Variants in STK31 observed in about 807,000 individuals in gnomAD.
The protein encoded by STK31 is serine/threonine-protein kinase 31.
A neutral mutation model predicts 129.7 loss-of-function variants in STK31; 89 were observed. That is an observed-to-expected ratio of 0.69 (90% confidence interval 0.58 to 0.82). The LOEUF is 0.82. STK31 is among the 40% of genes least tolerant of loss of function. The pLI, the probability that STK31 is intolerant of heterozygous loss-of-function variation, is 0.00. For synonymous variants in STK31, 448 were observed against 395.3 expected (o/e 1.13, Z -1.58); for missense variants, 1,187 against 1,176.4 (o/e 1.01, Z -0.13).
chr7:23,789,262 T>C (rs192188715), intron 21 of STK31, among the ~76,000 whole-genome samples: 2 of 152,160 alleles, frequency 1.3e-5, no homozygotes, highest in African/African-American at 4.8e-5. Flanking sequence ...CTATGAGCTT[T>C]AGCATACAAT....
chr7:23,781,584 C>T (rs1324016923), intron 16 of STK31, 64 bp downstream of exon 16: 42 of 1,212,756 alleles, frequency 3.5e-5, no homozygotes, highest in East Asian at 1.9e-4. Flanking sequence ...TTTAAATACC[C>T]GTTTTATGAA....
intron 22 of STK31, among the ~76,000 whole-genome samples, chr7:23,793,904 A>G (rs189018825): frequency 7.6e-4 from 116 of 152,340 alleles, no homozygotes; most frequent in African/African-American, 2.7e-3. Context: ...AAATGAAAGC[A>G]TATGTCCACA....
chr7:23,803,181 C>T (rs1001752600), intron 22 of STK31, among the ~76,000 whole-genome samples: 1 of 152,090 alleles, frequency 6.6e-6, no homozygotes, highest in Non-Finnish European at 1.5e-5. Context: ...CTTTGACCTT[C>T]CTCCTCAAAG....
At chr7:23,829,046 G>A (rs1039911064) in intron 23 of STK31, among the ~76,000 whole-genome samples, 4 of 151,590 alleles carry the variant, frequency 2.6e-5, no homozygotes, top group African/African-American at 7.3e-5. Context: ...GATTACAGGC[G>A]CCCGCCATGA....
chr7:23,809,107 T>C (rs149157838), intron 22 of STK31, among the ~76,000 whole-genome samples: 8 of 151,994 alleles, frequency 5.3e-5, no homozygotes, highest in African/African-American at 1.9e-4. Flanking sequence ...CTTCACCTTC[T>C]TCTTTCCATC....
intron 6 of STK31, among the ~76,000 whole-genome samples, chr7:23,729,520 T>G (rs1367029338): frequency 2.8e-5 from 4 of 142,996 alleles, no homozygotes; most frequent in Admixed American, 2.0e-4. Context: ...TGTTTTTTTT[T>G]TTTTTTTTGA....
Position 23,830,382 on chromosome 7 carries a change from T to C in STK31, c.2830-1754T>C, listed in dbSNP as rs1268099753. On this transcript the variant is annotated intron_variant, in intron 23 of 23. Transcript: ENST00000355870. ...ACTCCTTTTTTGATAGAAGAATTTA[T>C]TGCTATAAACTTCTCTTTTCTCACT... is the stretch of plus-strand genomic sequence containing the variant. Among the ~76,000 whole-genome samples, 9 of 152,196 alleles carry C rather than the reference T, an allele frequency of 5.9e-5. No individual in the cohort carries two copies. The South Asian group carries it at 8.3e-4, about 14-fold the overall frequency.
At chr7:23,764,292 A>C (rs972442564) in intron 11 of STK31, among the ~76,000 whole-genome samples, 2 of 152,292 alleles carry the variant, frequency 1.3e-5, no homozygotes, top group East Asian at 1.9e-4. Flanking sequence ...TCTGTAATTA[A>C]GATCATCTTT....
intron 3 of STK31, 38 bp downstream of exon 3, chr7:23,712,324 C>T: frequency 6.2e-7 from 1 of 1,602,070 alleles, no homozygotes; most frequent in South Asian, 1.1e-5. Flanking sequence ...CCTCACCTCC[C>T]CCAATCCAGT....
intron 6 of STK31, among the ~76,000 whole-genome samples, chr7:23,733,854 T>C (rs945533460): frequency 6.6e-6 from 1 of 152,112 alleles, no homozygotes; most frequent in African/African-American, 2.4e-5. Context: ...GAAATAATTT[T>C]TTTTGTAATC....
rs537285561 is a variant in STK31 at position 23,821,844 on chromosome 7, A to G, written c.2829+6632A>G. On this transcript the variant is annotated intron_variant, in intron 23 of 23. Coordinates refer to ENST00000355870, the MANE Select transcript of STK31 (RefSeq NM_031414.5). ...TGATTTTTATATATGGTGAGAGGTG[A>G]GGGTCTACTCTTACTCTTTTGCGTA... is the stretch of plus-strand genomic sequence containing the variant. Among the ~76,000 whole-genome samples, 7 of 152,078 alleles carry G rather than the reference A, an allele frequency of 4.6e-5. No homozygotes were observed. The East Asian group carries it at 9.7e-4, about 21-fold the overall frequency.
chr7:23,738,404 GTCT>G (rs375141394), intron 8 of STK31, among the ~76,000 whole-genome samples: 39,465 of 151,962 alleles, frequency 0.26, 5,473 homozygotes, highest in East Asian at 0.39. Context: ...TTTTGAGACA[GTCT>G]TGCAACATCT....
chr7:23,826,984 C>T (rs112280780), intron 23 of STK31, among the ~76,000 whole-genome samples: 23,395 of 152,114 alleles, frequency 0.15, 1,921 homozygotes, highest in East Asian at 0.22. Context: ...GATGGGCTTC[C>T]CTTTGTGGGT....
chr7:23,750,185 G>C (rs1349825971), intron 8 of STK31, among the ~76,000 whole-genome samples: 1 of 150,484 alleles, frequency 6.6e-6, no homozygotes, highest in Non-Finnish European at 1.5e-5. Context: ...AAGCATGGGG[G>C]CCCCCATGAC....
intron 23 of STK31, among the ~76,000 whole-genome samples, chr7:23,819,854 A>G (rs1793697928): frequency 6.6e-6 from 1 of 152,208 alleles, no homozygotes; most frequent in African/African-American, 2.4e-5. Context: ...ATGGAGGGAT[A>G]TAATAAATTC....
At chr7:23,748,770 C>T (rs1788508269) in intron 8 of STK31, among the ~76,000 whole-genome samples, 1 of 152,156 alleles carries the variant, frequency 6.6e-6, no homozygotes, top group South Asian at 2.1e-4. Flanking sequence ...ATATAACATA[C>T]AGAATACTTG....
At chr7:23,745,849 G>A (rs1309893147) in intron 8 of STK31, among the ~76,000 whole-genome samples, 1 of 152,200 alleles carries the variant, frequency 6.6e-6, no homozygotes, top group Non-Finnish European at 1.5e-5. Context: ...CTTGGGCGTA[G>A]AGTGGCTGCC....
In STK31 at chr7:23,754,339, C is replaced by T. The variant is rs147162609; in HGVS notation, c.1158C>T (p.Phe386=). ...GGCATGTCGACATCAGTGTCCGTTTCGGAAAAGACCTTTCAGATGCTATAC... is the reference window on the plus strand; with the variant it reads ...GGCATGTCGACATCAGTGTCCGTTTTGGAAAAGACCTTTCAGATGCTATAC... ...EMRHVDISVR[F]GKDLSDAIQV... Residue 386 remains phenylalanine, a synonymous_variant, in exon 10 of 24, where the codon TTC becomes TTT. Transcript: ENST00000355870. 1,518 of 1,610,674 alleles carry T rather than the reference C, an allele frequency of 9.4e-4. 1 individual carries two copies. Among genetic ancestry groups the T allele is most frequent in the Non-Finnish European group, 1.2e-3 (1,443 of 1,179,190 alleles).
intron 23 of STK31, among the ~76,000 whole-genome samples, chr7:23,831,917 A>T (rs1331031856): frequency 6.6e-6 from 1 of 152,130 alleles, no homozygotes; most frequent in Non-Finnish European, 1.5e-5. Flanking sequence ...GATTACAGGC[A>T]TAAGCCACTG....
Sources: gnomAD v4.1 joint callset for allele counts (sites outside exome capture counted in the v4.1 genomes callset) on GRCh38, gnomAD v4.1.1 for gene constraint, MANE v1.5 for transcripts, NCBI Gene and HGNC (gene_info 2026-07-23, HGNC 2026-07-21) for gene names.